The following ELN variants were observed in gnomAD, a reference collection of about 807,000 sequenced individuals.
The protein encoded by ELN is tropoelastin.
In ELN, 65 loss-of-function variants were observed where a neutral mutation model predicts 105.8. The observed-to-expected ratio is 0.61, with a 90% CI of 0.50 to 0.75. The LOEUF is 0.75. ELN is among the 30% of genes least tolerant of loss of function. The pLI is 0.00. For synonymous variants in ELN, 368 were observed against 389.2 expected (o/e 0.95, Z 0.64); for missense variants, 882 against 969.4 (o/e 0.91, Z 1.20).
At chr7:74,057,109 G>A (rs1480862393) in intron 21 of ELN, among the ~76,000 whole-genome samples, 2 of 152,082 alleles carry the variant, frequency 1.3e-5, no homozygotes, top group Non-Finnish European at 2.9e-5. Flanking sequence ...ATGGTGGCGG[G>A]CACCTATAGT....
chr7:74,063,574 T>G lies in ELN; in HGVS notation c.1919-47T>G, dbSNP rs1343995589. On this transcript the variant is annotated intron_variant, in intron 28 of 32. Transcript: ENST00000252034. This position sits in a 1 kb window ranked among gnomAD's most constrained non-coding sequence, Gnocchi z 4.1. ...CGCCCTCCACAGGCCGAGGCTTCAGTCCCACCTTTCTGACCAGCGGAGTCT... is the reference window on the plus strand; with the variant it reads ...CGCCCTCCACAGGCCGAGGCTTCAGGCCCACCTTTCTGACCAGCGGAGTCT... The G allele has an allele frequency of 6.2e-7, 1 of 1,613,750 alleles. No individual in the cohort carries two copies. The highest frequency in any genetic ancestry group is 8.5e-7 in the Non-Finnish European group (1 of 1,179,876).
chr7:74,064,183 C>T (rs1797374774), intron 29 of ELN, among the ~76,000 whole-genome samples: 1 of 151,640 alleles, frequency 6.6e-6, no homozygotes, highest in Non-Finnish European at 1.5e-5. Context: ...CTTTGGGAGG[C>T]TGAGGTGGGC....
rs1379166044 is a variant in ELN, at chr7:74,063,842, C to T, written c.1993+147C>T. 4 of 1,118,776 alleles carry T rather than the reference C, an allele frequency of 3.6e-6. No individual in the cohort carries two copies. The highest frequency in any genetic ancestry group is 5.3e-6 in the Non-Finnish European group (4 of 753,970). 69.3% of individuals were successfully genotyped at this position (1,118,776 alleles called of 1,614,324 possible). A position where few individuals can be genotyped will look rare whatever the true frequency, so the allele number is the denominator to read the frequency against. ...TCTTGGCCAGGTGCGGTGGCTCACGCCTGCAATCCCAGCACTCTAGTAGGC... is the reference window on the plus strand; with the variant it reads ...TCTTGGCCAGGTGCGGTGGCTCACGTCTGCAATCCCAGCACTCTAGTAGGC... On this transcript the variant is annotated intron_variant, in intron 29 of 32. Transcript: ENST00000252034. This position sits in a 1 kb window ranked among gnomAD's most constrained non-coding sequence, Gnocchi z 4.1.
Position 74,057,712 on chromosome 7 carries a change from C to T in ELN, c.1414+16C>T, listed in dbSNP as rs781993526. The T allele has an allele frequency of 1.1e-5, 17 of 1,612,594 alleles. No individual in the cohort carries two copies. Among genetic ancestry groups the T allele is most frequent in the South Asian group, 3.3e-5 (3 of 91,000 alleles). ...GCCCAGTTTGGTAAGTCCCCCTCAC[C>T]CCCGCCACTGGCTCACGGAGAACTG... is the stretch of plus-strand genomic sequence containing the variant. On this transcript the variant is annotated intron_variant, in intron 22 of 32. Coordinates refer to ENST00000252034, the MANE Select transcript of ELN (RefSeq NM_000501.4).
In ELN at chr7:74,053,312, G is replaced by T. The variant is rs1439259417; in HGVS notation, c.1096+3G>T. The T allele has an allele frequency of 1.9e-6, 3 of 1,604,012 alleles. No homozygotes were observed. The highest frequency in any genetic ancestry group is 2.5e-6 in the Non-Finnish European group (3 of 1,177,714). ...GATCCCAGGTGCTGCGGTTCCAGGT[G>T]AGCTGGGCTGTGTGTGTGTGTGTGT... On this transcript the variant is annotated splice_donor_region_variant and intron_variant, in intron 18 of 32. Coordinates refer to ENST00000252034, the MANE Select transcript of ELN (RefSeq NM_000501.4).
intron 11 of ELN, 84 bp from the exon 12 acceptor site, chr7:74,046,612 T>C (rs1792582330): frequency 4.8e-6 from 7 of 1,460,098 alleles, no homozygotes; most frequent in Non-Finnish European, 6.7e-6. Context: ...GCAAGCTCCT[T>C]CTGTCTGAGC....
chr7:74,056,386 T>TGTCGGAGGTGTTCCCGGA lies in ELN; in HGVS notation c.1278_1295dup (p.Gly431_Gly436dup), dbSNP rs1399456067. 1.7e-5 allele frequency: 28 copies of TGTCGGAGGTGTTCCCGGA among 1,613,642 alleles called. No homozygotes were observed. The highest frequency in any genetic ancestry group is 2.2e-5 in the Non-Finnish European group (26 of 1,179,736). On this transcript the variant is annotated inframe_insertion, in exon 20 of 33. Coordinates refer to ENST00000252034, the MANE Select transcript of ELN (RefSeq NM_000501.4). The stretch of plus-strand genomic sequence containing the variant: ...TCCCTGGAGTCGCAGGTGTCCCTGG[T>TGTCGGAGGTGTTCCCGGA]GTCGGAGGTGTTCCCGGAGTCGGAG...
Position 74,047,666 on chromosome 7 carries a change from T to A in ELN, c.644-9T>A. ...GGCAGCCCCTGAGTTTGCTCTGTCCTCTCTCCAGGTGGCTATGGACTGCCC... is the reference window on the plus strand; with the variant it reads ...GGCAGCCCCTGAGTTTGCTCTGTCCACTCTCCAGGTGGCTATGGACTGCCC... On this transcript the variant is annotated splice_polypyrimidine_tract_variant and intron_variant, in intron 12 of 32. Transcript: ENST00000252034. 6.2e-7 allele frequency: 1 copy of A among 1,614,138 alleles called. No homozygotes were observed. Among genetic ancestry groups the A allele is most frequent in the Non-Finnish European group, 8.5e-7 (1 of 1,179,992 alleles).
At chr7:74,056,770 C>T in intron 21 of ELN, 57 bp downstream of exon 21, 1 of 1,611,176 alleles carries the variant, frequency 6.2e-7, no homozygotes, top group Non-Finnish European at 8.5e-7. Flanking sequence ...GGCTCAGGGT[C>T]CAACCTCAGG....
At chr7:74,038,152 G>C (rs1362614571) in intron 4 of ELN, 5 of 323,048 alleles carry the variant, frequency 1.5e-5, no homozygotes, top group Non-Finnish European at 3.0e-5. Context: ...GACTTCCCCT[G>C]AGTGGTCCCC....
At chr7:74,030,272 G>T (rs1186504728) in intron 1 of ELN, among the ~76,000 whole-genome samples, 2 of 152,214 alleles carry the variant, frequency 1.3e-5, no homozygotes, top group Non-Finnish European at 2.9e-5. Flanking sequence ...TGTCCTGGGG[G>T]AGCCTGGCTT....
intron 32 of ELN, among the ~76,000 whole-genome samples, chr7:74,067,933 C>CAAAAAAA (rs782107951): frequency 1.0e-4 from 2 of 19,902 alleles, no homozygotes; most frequent in Non-Finnish European, 2.6e-4. Flanking sequence ...GATTGCGTCT[C>CAAAAAAA]AAAAAAAAAA....
Position 74,045,263 on chromosome 7 carries a change from A to G in ELN, c.511A>G (p.Thr171Ala). 1.2e-6 allele frequency: 2 copies of G among 1,614,086 alleles called. No individual in the cohort carries two copies. The highest frequency in any genetic ancestry group is 1.7e-6 in the Non-Finnish European group (2 of 1,180,038). The change falls in exon 10 of 33, where the codon ACT (threonine) becomes GCT (alanine). Residue 171 changes from threonine (T) to alanine (A), a missense_variant. Coordinates refer to ENST00000252034, the MANE Select transcript of ELN (RefSeq NM_000501.4). The stretch of plus-strand genomic sequence containing the variant: ...TGTGGGGGTGCTCCCTGGAGTTCCC[A>G]CTGGAGCAGGAGTTAAGCCCAAGGC... Reference protein sequence around the residue: ...PGVGVLPGVPTGAGVKPKAPG... With the variant: ...PGVGVLPGVPAGAGVKPKAPG...
At chr7:74,057,499 T>C in intron 21 of ELN, 141 bp from the exon 22 acceptor site, 1 of 1,587,880 alleles carries the variant, frequency 6.3e-7, no homozygotes, top group Non-Finnish European at 8.6e-7. Flanking sequence ...AGAGATGGGT[T>C]TGGTTTGTCT....
rs55917251 is a variant in ELN at position 74,037,341 on chromosome 7, A to T, written c.164-366A>T. On this transcript the variant is annotated intron_variant, in intron 3 of 32. Coordinates refer to ENST00000252034, the MANE Select transcript of ELN (RefSeq NM_000501.4). Reference sequence around the variant, plus strand: ...CCTGAGTAGCTGGGATTACAGGCACATGCCACCACGCCTGGCTAATTTTTG... The same window carrying T: ...CCTGAGTAGCTGGGATTACAGGCACTTGCCACCACGCCTGGCTAATTTTTG... 3.4e-3 allele frequency among the ~76,000 whole-genome samples: 511 copies of T among 149,132 alleles called. 1 individual carries two copies. The highest frequency in any genetic ancestry group is 0.012 in the African/African-American group (482 of 40,424).
chr7:74,063,624 T>G lies in ELN; in HGVS notation c.1922T>G (p.Leu641Arg). ...KAAAKAAQFG[L>R]VGAAGLGGLG... ...TAATGCTCAGCTGTCTCCACAGGCC[T>G]AGTGGGAGCCGCTGGGCTCGGAGGA... The change falls in exon 29 of 33, where the codon CTA becomes CGA. Residue 641 changes from leucine (L) to arginine (R), a missense_variant. Physicochemically the swap from Leu to Arg is moderately radical, Grantham distance 102. Coordinates refer to ENST00000252034, the MANE Select transcript of ELN (RefSeq NM_000501.4). This position sits in a 1 kb window ranked among gnomAD's most constrained non-coding sequence, Gnocchi z 4.1. 6.2e-7 allele frequency: 1 copy of G among 1,614,078 alleles called. No homozygotes were observed. The highest frequency in any genetic ancestry group is 1.1e-5 in the South Asian group (1 of 91,070).
At chr7:74,047,647 C>G (rs41435449) in intron 12 of ELN, 28 bp from the exon 13 acceptor site, 1 of 1,613,974 alleles carries the variant, frequency 6.2e-7, no homozygotes, top group Non-Finnish European at 8.5e-7. Context: ...ATGGGGCAGC[C>G]CCTGAGTTTG....
Position 74,063,665 on chromosome 7 carries a change from C to T in ELN, c.1963C>T (p.Leu655Phe), listed in dbSNP as rs1554686887. The stretch of plus-strand genomic sequence containing the variant: ...GCTCGGAGGACTCGGAGTCGGAGGG[C>T]TTGGAGTTCCAGGTGTTGGGGGCCT... ...AGLGGLGVGG[L>F]GVPGVGGLGG... Residue 655 changes from leucine to phenylalanine, a missense_variant, in exon 29 of 33, where the codon CTT becomes TTT. By Grantham distance (22) the Leu-to-Phe change is conservative. Coordinates refer to ENST00000252034, the MANE Select transcript of ELN (RefSeq NM_000501.4). This position sits in a 1 kb window ranked among gnomAD's most constrained non-coding sequence, Gnocchi z 4.1. The T allele has an allele frequency of 6.2e-7, 1 of 1,613,698 alleles. No homozygotes were observed. The highest frequency in any genetic ancestry group is 8.5e-7 in the Non-Finnish European group (1 of 1,179,724).
At position 74,056,384 on chromosome 7, in the gene ELN, G is replaced by A. The variant is rs2071307; in HGVS notation, c.1264G>A (p.Gly422Ser). 593,684 of 1,613,756 alleles carry A rather than the reference G, an allele frequency of 0.37. 114,461 individuals carry two copies. The highest frequency in any genetic ancestry group is 0.4 in the Non-Finnish European group (477,483 of 1,179,876). Reference protein sequence around the residue: ...GGIPGVAGVPGVGGVPGVGGV... With the variant: ...GGIPGVAGVPSVGGVPGVGGV... ...TATCCCTGGAGTCGCAGGTGTCCCT[G>A]GTGTCGGAGGTGTTCCCGGAGTCGG... Residue 422 changes from glycine (G) to serine (S), a missense_variant, in exon 20 of 33, where the codon GGT becomes AGT. Physicochemically the swap from Gly to Ser is moderately conservative, Grantham distance 56. Transcript: ENST00000252034.
Sources: gnomAD v4.1 joint callset for allele counts (sites outside exome capture counted in the v4.1 genomes callset) on GRCh38, gnomAD v4.1.1 for gene constraint, Gnocchi (gnomAD v3.1) non-coding constraint, MANE v1.5 for transcripts, NCBI Gene and HGNC (gene_info 2026-07-23, HGNC 2026-07-21) for gene names.